Variants in SLC5A10 observed in about 807,000 individuals in gnomAD.
SLC5A10 encodes the protein solute carrier family 5 member 10.
SLC5A10 carries 55 observed loss-of-function variants against 68.9 expected under a neutral mutation model. The observed-to-expected ratio is 0.80, with a 90% CI of 0.64 to 1.00. The LOEUF is 1.00. Ranked by LOEUF, SLC5A10 falls within the 50% of genes least tolerant of loss-of-function variation. The pLI, the probability that SLC5A10 is intolerant of heterozygous loss-of-function variation, is 0.00. For missense variants in SLC5A10, 732 were observed against 819.3 expected (o/e 0.89, Z 1.30); for synonymous variants, 344 against 344.8 (o/e 1.00, Z 0.02).
At chr17:18,960,811 G>A (rs2042599813) in intron 5 of SLC5A10, among the ~76,000 whole-genome samples, 159 bp downstream of exon 5, 1 of 152,232 alleles carries the variant, frequency 6.6e-6, no homozygotes, top group Non-Finnish European at 1.5e-5. Flanking sequence ...GGGTCACGCA[G>A]CGAGTCTGGA....
chr17:18,985,948 A>G (rs2043258902), intron 9 of SLC5A10, among the ~76,000 whole-genome samples: 1 of 152,230 alleles, frequency 6.6e-6, no homozygotes, highest in African/African-American at 2.4e-5. Flanking sequence ...CAGTAGCTGT[A>G]TAACTTTCCT....
intron 3 of SLC5A10, 23 bp downstream of exon 3, chr17:18,959,262 C>T: frequency 6.2e-7 from 1 of 1,608,732 alleles, no homozygotes; most frequent in Non-Finnish European, 8.5e-7. Flanking sequence ...GGACTGGCGG[C>T]CTGTGGGAGG....
chr17:18,979,046 C>T lies in SLC5A10; in HGVS notation c.982+2057C>T, dbSNP rs1236096961. 1.6e-4 allele frequency: 98 copies of T among 623,336 alleles called. 1 individual carries two copies. In the Admixed American group the frequency reaches 2.8e-3, roughly 18 times the overall value. The allele number at this position is 623,336 out of a possible 1,614,324, so 38.6% of individuals were successfully genotyped here. On this transcript the variant is annotated intron_variant, in intron 9 of 14. Transcript: ENST00000395645. ...TCAAGCAAGTTGGTTGCACCAAGCC[C>T]ATTCCCACCTCTGCAAATGACAGGG...
Position 19,021,957 on chromosome 17 carries a change from G to A in SLC5A10, c.*1526G>A. The stretch of plus-strand genomic sequence containing the variant: ...CGTTGGCCAGATCGGCCGCCGGGCT[G>A]CTCACAGGTGCACGGGCTGCACGTA... On this transcript the variant is annotated 3_prime_UTR_variant, in exon 15 of 15. Coordinates refer to ENST00000395645, the MANE Select transcript of SLC5A10 (RefSeq NM_001042450.4). The surrounding 1 kb of genome is among the most constrained non-coding windows in gnomAD (Gnocchi z 4.1). 3 of 1,532,092 alleles carry A rather than the reference G, an allele frequency of 2.0e-6. No individual in the cohort carries two copies. Among genetic ancestry groups the A allele is most frequent in the African/African-American group, 1.4e-5 (1 of 71,912 alleles). 94.9% of individuals were successfully genotyped at this position (1,532,092 alleles called of 1,614,324 possible).
intron 1 of SLC5A10, among the ~76,000 whole-genome samples, chr17:18,956,485 T>TTTTTTTTTTTTTTG (rs2042506182): frequency 7.0e-6 from 1 of 142,172 alleles, no homozygotes; most frequent in South Asian, 2.2e-4. Context: ...TTTTTTTTTT[T>TTTTTTTTTTTTTTG]TTCTGTTTTG....
In SLC5A10 at chr17:18,959,159, A is replaced by C; in HGVS notation, c.208A>C (p.Ser70Arg). 6.2e-7 allele frequency: 1 copy of C among 1,612,486 alleles called. No homozygotes were observed. Reference sequence around the variant, plus strand: ...GATTGGAGCCTCCCTCTTCGCCAGCAGCGAGGGCTCTGGCCTCTTCATTGG... The same window carrying C: ...GATTGGAGCCTCCCTCTTCGCCAGCCGCGAGGGCTCTGGCCTCTTCATTGG... ...WPIGASLFAS[S>R]EGSGLFIGLA... Residue 70 changes from serine to arginine, a missense_variant, in exon 3 of 15, where the codon AGC becomes CGC. Transcript: ENST00000395645.
chr17:19,005,648 C>CCG (rs2043864948), intron 9 of SLC5A10, among the ~76,000 whole-genome samples: 1 of 129,068 alleles, frequency 7.7e-6, no homozygotes, highest in South Asian at 4.4e-4. Flanking sequence ...TGCCCTCAAA[C>CCG]CCCCCCCCTC....
intron 1 of SLC5A10, among the ~76,000 whole-genome samples, 199 bp from the exon 2 acceptor site, chr17:18,958,483 C>T (rs924711232): frequency 2.0e-5 from 3 of 152,184 alleles, no homozygotes; most frequent in Admixed American, 6.5e-5. Flanking sequence ...ATGAATAATG[C>T]TGCTATGAAC....
intron 9 of SLC5A10, among the ~76,000 whole-genome samples, chr17:18,995,437 C>A (rs146427017): frequency 7.2e-5 from 11 of 152,206 alleles, no homozygotes; most frequent in African/African-American, 2.4e-4. Context: ...CAAAATGACA[C>A]ACAGAAAGAC....
Position 19,000,289 on chromosome 17 carries a change from G to C in SLC5A10, c.983-13121G>C, listed in dbSNP as rs1042350573. On this transcript the variant is annotated intron_variant, in intron 9 of 14. Transcript: ENST00000395645. This position sits in a 1 kb window ranked among gnomAD's most constrained non-coding sequence, Gnocchi z 5.2. ...GGGACCCACCCGCCTCTTGTCCCAG[G>C]GGAGTCTAGGATCACAGGGCAGCAA... Among the ~76,000 whole-genome samples, 1 of 152,204 alleles carries C rather than the reference G, an allele frequency of 6.6e-6. No individual in the cohort carries two copies. The highest frequency in any genetic ancestry group is 1.5e-5 in the Non-Finnish European group (1 of 68,022).
At chr17:18,982,797 G>A (rs2043172630) in intron 9 of SLC5A10, among the ~76,000 whole-genome samples, 1 of 152,184 alleles carries the variant, frequency 6.6e-6, no homozygotes, top group African/African-American at 2.4e-5. Context: ...GTGGGTCTAG[G>A]GTCTAGGCAT....
rs1567783195 is a variant in SLC5A10, at chr17:18,969,162, G to A, written c.559+5G>A. 2.5e-6 allele frequency: 4 copies of A among 1,613,062 alleles called. No individual in the cohort carries two copies. Among genetic ancestry groups the A allele is most frequent in the Non-Finnish European group, 3.4e-6 (4 of 1,179,438 alleles). ...CAGCCCTGTACACCATCGCAGGTATGGTGCCTGCAGCAGGGAGGTCCACCC... is the reference window on the plus strand; with the variant it reads ...CAGCCCTGTACACCATCGCAGGTATAGTGCCTGCAGCAGGGAGGTCCACCC... On this transcript the variant is annotated splice_donor_5th_base_variant and intron_variant, in intron 6 of 14. Coordinates refer to ENST00000395645, the MANE Select transcript of SLC5A10 (RefSeq NM_001042450.4).
chr17:18,969,554 A>G (rs1216273427), intron 7 of SLC5A10, 132 bp downstream of exon 7: 17 of 812,388 alleles, frequency 2.1e-5, no homozygotes, highest in Non-Finnish European at 3.3e-5. Flanking sequence ...GGGTGGGTTC[A>G]GGAGGTTGAG....
Position 19,021,625 on chromosome 17 carries a change from C to G in SLC5A10, c.*1194C>G. The G allele has an allele frequency of 5.1e-6, 2 of 393,690 alleles. No homozygotes were observed. The highest frequency in any genetic ancestry group is 9.0e-6 in the Non-Finnish European group (2 of 223,374). 24.4% of individuals were successfully genotyped at this position (393,690 alleles called of 1,614,324 possible). A position where few individuals can be genotyped will look rare whatever the true frequency, so the allele number is the denominator to read the frequency against. Reference sequence around the variant, plus strand: ...AGGTTGAGCCTCCAGTGGGTGAAACCTGGGAGTCCTCAACCTTCCTGGCAG... The same window carrying G: ...AGGTTGAGCCTCCAGTGGGTGAAACGTGGGAGTCCTCAACCTTCCTGGCAG... On this transcript the variant is annotated 3_prime_UTR_variant, in exon 15 of 15. Transcript: ENST00000395645. The surrounding 1 kb of genome is among the most constrained non-coding windows in gnomAD (Gnocchi z 4.1).
In SLC5A10 at chr17:19,017,176, G is replaced by A. The variant is rs1340530098; in HGVS notation, c.1241+1977G>A. The A allele has an allele frequency of 3.1e-6, 3 of 972,498 alleles. No homozygotes were observed. Among genetic ancestry groups the A allele is most frequent in the Non-Finnish European group, 4.7e-6 (3 of 638,284 alleles). The allele number at this position is 972,498 out of a possible 1,614,324, so 60.2% of individuals were successfully genotyped here. On this transcript the variant is annotated intron_variant, in intron 11 of 14. Coordinates refer to ENST00000395645, the MANE Select transcript of SLC5A10 (RefSeq NM_001042450.4). The surrounding 1 kb of genome is among the most constrained non-coding windows in gnomAD (Gnocchi z 5.6). ...AAGGCTGCGTGGTGCAGGGCAGGTT[G>A]CTCACCCTCTCTGGGCCCCAGTTCT...
intron 11 of SLC5A10, among the ~76,000 whole-genome samples, chr17:19,015,473 A>G (rs563572929): frequency 1.3e-5 from 2 of 151,996 alleles, no homozygotes; most frequent in East Asian, 3.9e-4. Flanking sequence ...CATGCCACAG[A>G]TCTCTCTATC....
chr17:18,965,422 G>GT (rs1447384010), intron 5 of SLC5A10, among the ~76,000 whole-genome samples: 2 of 152,220 alleles, frequency 1.3e-5, no homozygotes, highest in Admixed American at 1.3e-4. Context: ...GCTGTCCCAC[G>GT]AAGGATGGGA....
chr17:19,004,709 C>A lies in SLC5A10; in HGVS notation c.983-8701C>A. On this transcript the variant is annotated intron_variant, in intron 9 of 14. Transcript: ENST00000395645. The surrounding 1 kb of genome is among the most constrained non-coding windows in gnomAD (Gnocchi z 5.4). ...GGGGGCGCGGCCGGGACTTGCTTAC[C>A]GAGCGGGCGCTGGCGGAGCGGGGCG... The A allele has an allele frequency of 6.6e-6, 1 of 151,510 alleles. No individual in the cohort carries two copies. The highest frequency in any genetic ancestry group is 1.9e-4 in the South Asian group (1 of 5,254). 9.4% of individuals were successfully genotyped at this position (151,510 alleles called of 1,614,324 possible).
intron 3 of SLC5A10, 40 bp downstream of exon 3, chr17:18,959,279 G>A (rs745960581): frequency 6.3e-7 from 1 of 1,591,232 alleles, no homozygotes; most frequent in African/African-American, 1.3e-5. Flanking sequence ...GAGGGCCAGG[G>A]CACAGGATGT....
Sources: allele counts gnomAD v4.1 joint callset (sites outside exome capture counted in the v4.1 genomes callset), GRCh38; gene constraint gnomAD v4.1.1; non-coding constraint Gnocchi (gnomAD v3.1); transcripts MANE v1.5; gene names NCBI Gene and HGNC (gene_info 2026-07-23, HGNC 2026-07-21).